ARMH3: variants seen among roughly 807,000 people sequenced by gnomAD.
ARMH3 encodes armadillo-like helical domain-containing protein 3.
ARMH3 carries 60 observed loss-of-function variants against 99.1 expected under a neutral mutation model. That is an observed-to-expected ratio of 0.61 (90% CI 0.49 to 0.75). The LOEUF (loss-of-function observed/expected upper bound fraction) is 0.75. Among genes scored for constraint, ARMH3 ranks in the 30% least tolerant of loss-of-function variants. The pLI is 0.00. For missense variants in ARMH3, 679 were observed against 843.1 expected, an observed-to-expected ratio of 0.81 and a Z score of 2.41; for synonymous variants, 285 against 292.8, an observed-to-expected ratio of 0.97 and a Z score of 0.27.
intron 24 of ARMH3, among the ~76,000 whole-genome samples, chr10:101,883,551 C>T (rs564816126): frequency 6.6e-6 from 1 of 152,258 alleles, no homozygotes; most frequent in South Asian, 2.1e-4. Context: ...AGCATTGCCT[C>T]ATCAAGACAG....
At chr10:101,946,201 T>C (rs1844525550) in intron 22 of ARMH3, among the ~76,000 whole-genome samples, 1 of 149,478 alleles carries the variant, frequency 6.7e-6, no homozygotes, top group Non-Finnish European at 1.5e-5. Context: ...AAAACAGATA[T>C]CTGAGATGGC....
chr10:101,945,881 G>A (rs549774787), intron 22 of ARMH3, among the ~76,000 whole-genome samples: 3 of 151,464 alleles, frequency 2.0e-5, no homozygotes, highest in South Asian at 2.1e-4. Context: ...TCAGGAATTC[G>A]AGACCAACCT....
At chr10:102,044,084 T>A (rs11191194) in intron 1 of ARMH3, among the ~76,000 whole-genome samples, 39,047 of 148,206 alleles carry the variant, frequency 0.26, 5,674 homozygotes, top group Non-Finnish European at 0.34. Context: ...ACCCAGCTAA[T>A]TTTTTTCTTT....
intron 8 of ARMH3, among the ~76,000 whole-genome samples, chr10:102,019,690 G>A (rs528884087): frequency 2.0e-5 from 3 of 152,256 alleles, no homozygotes; most frequent in Non-Finnish European, 4.4e-5. Context: ...CACTTTGGGA[G>A]GCCGAGGCGG....
intron 4 of ARMH3, among the ~76,000 whole-genome samples, chr10:102,031,900 G>A (rs190898918): frequency 2.7e-3 from 412 of 152,176 alleles, no homozygotes; most frequent in African/African-American, 9.2e-3. Context: ...CACCACGCCC[G>A]GCTAATTTTT....
rs1041104226 is a variant in ARMH3 at position 101,889,452 on chromosome 10, T to C, written c.1820A>G (p.Tyr607Cys). 2.5e-6 allele frequency: 4 copies of C among 1,614,050 alleles called. No individual in the cohort carries two copies. The highest frequency in any genetic ancestry group is 3.4e-6 in the Non-Finnish European group (4 of 1,179,900). The change falls in exon 24 of 26, where the codon TAC becomes TGC. Residue 607 changes from tyrosine to cysteine, a missense_variant. Tyr to Cys is a radical substitution (Grantham distance 194). Coordinates refer to ENST00000370033, the MANE Select transcript of ARMH3 (RefSeq NM_024541.3). ...INHFNPKIES[Y>C]AAVNHISQLS... Reference sequence around the variant, plus strand: ...TTGGGATATGTGATTCACAGCAGCGTAGGACTCAATTTTGGGGTTAAAGTG... The same window carrying C: ...TTGGGATATGTGATTCACAGCAGCGCAGGACTCAATTTTGGGGTTAAAGTG...
At chr10:101,906,911 C>T (rs981290581) in intron 23 of ARMH3, among the ~76,000 whole-genome samples, 1 of 152,182 alleles carries the variant, frequency 6.6e-6, no homozygotes, top group African/African-American at 2.4e-5. Context: ...CCAGTTAACA[C>T]CAGTTTCTCT....
Position 102,045,892 on chromosome 10 carries a change from C to T in ARMH3, c.-11-5767G>A, listed in dbSNP as rs1445615169. 3.3e-5 allele frequency among the ~76,000 whole-genome samples: 5 copies of T among 151,898 alleles called. 1 individual carries two copies. The highest frequency in any genetic ancestry group is 4.2e-4 in the South Asian group (2 of 4,814). On this transcript the variant is annotated intron_variant, in intron 1 of 25. Coordinates refer to ENST00000370033, the MANE Select transcript of ARMH3 (RefSeq NM_024541.3). Reference sequence around the variant, plus strand: ...GGTGGATCACTTGAGGTTGGGAGTTCGAGACCAGCCTAACCAACATGGAGA... The same window carrying T: ...GGTGGATCACTTGAGGTTGGGAGTTTGAGACCAGCCTAACCAACATGGAGA...
chr10:101,866,185 C>G (rs948557218), intron 24 of ARMH3, among the ~76,000 whole-genome samples: 25 of 151,224 alleles, frequency 1.7e-4, no homozygotes, highest in African/African-American at 6.1e-4. Context: ...TGCACCATTG[C>G]ACTCCAGCCT....
chr10:101,909,776 A>G (rs926752648), intron 23 of ARMH3, among the ~76,000 whole-genome samples: 38 of 151,956 alleles, frequency 2.5e-4, no homozygotes, highest in African/African-American at 8.7e-4. Flanking sequence ...TTTTCATGAC[A>G]CAATTATTAA....
chr10:102,023,834 AC>A, intron 6 of ARMH3, 85 bp from the exon 7 acceptor site: 1 of 1,262,882 alleles, frequency 7.9e-7, no homozygotes, highest in Non-Finnish European at 1.1e-6. Flanking sequence ...TCTAAGAGAA[AC>A]AAAAATATTA....
rs2066459090 is a variant in ARMH3, at chr10:101,845,960, TC to T, written c.*1567del. 1 of 152,182 alleles carries T rather than the reference TC, an allele frequency of 6.6e-6. No individual in the cohort carries two copies. Among genetic ancestry groups the T allele is most frequent in the Admixed American group, 6.5e-5 (1 of 15,274 alleles). 9.4% of individuals were successfully genotyped at this position (152,182 alleles called of 1,614,324 possible). A position where few individuals can be genotyped will look rare whatever the true frequency, so the allele number is the denominator to read the frequency against. Reference sequence around the variant, plus strand: ...CCTAGAATATACCAGTGCTGTTTGCTCCCGCCATCCTGAGGGCTTTAGAAAG... The same window carrying T: ...CCTAGAATATACCAGTGCTGTTTGCTCCGCCATCCTGAGGGCTTTAGAAAG... On this transcript the variant is annotated 3_prime_UTR_variant, in exon 26 of 26. Transcript: ENST00000370033.
intron 23 of ARMH3, among the ~76,000 whole-genome samples, chr10:101,901,191 C>T (rs2067967683): frequency 6.7e-6 from 1 of 148,240 alleles, no homozygotes; most frequent in African/African-American, 2.5e-5. Flanking sequence ...CCCAGTGGTC[C>T]AGTGTGGGCC....
intron 24 of ARMH3, among the ~76,000 whole-genome samples, chr10:101,861,421 GTACTACAAGAGA>G (rs1239460706): frequency 6.6e-6 from 1 of 152,162 alleles, no homozygotes; most frequent in Non-Finnish European, 1.5e-5. Context: ...CAAAAGTCCT[GTACTACAAGAGA>G]TATTAAAAGA....
intron 19 of ARMH3, among the ~76,000 whole-genome samples, chr10:101,985,503 C>A (rs1846459461): frequency 6.6e-6 from 1 of 151,508 alleles, no homozygotes; most frequent in Admixed American, 6.6e-5. Flanking sequence ...TCACTTGTGG[C>A]CAGGAGTTCA....
chr10:101,993,319 C>A (rs868078964), intron 17 of ARMH3, among the ~76,000 whole-genome samples: 1 of 151,572 alleles, frequency 6.6e-6, no homozygotes. Context: ...AGTATCATTG[C>A]CACGCTTGTG....
At chr10:101,892,496 T>C (rs1326355876) in intron 23 of ARMH3, among the ~76,000 whole-genome samples, 1 of 152,200 alleles carries the variant, frequency 6.6e-6, no homozygotes, top group Non-Finnish European at 1.5e-5. Context: ...TGTGTATGTG[T>C]GTTTGTGTGT....
chr10:102,007,079 T>C (rs2066509795), intron 13 of ARMH3, among the ~76,000 whole-genome samples: 1 of 141,382 alleles, frequency 7.1e-6, no homozygotes, highest in Non-Finnish European at 1.5e-5. Flanking sequence ...GAGAATCACT[T>C]GAACCCAGGA....
intron 19 of ARMH3, among the ~76,000 whole-genome samples, chr10:101,989,337 C>T (rs543157452): frequency 6.6e-6 from 1 of 151,946 alleles, no homozygotes; most frequent in Non-Finnish European, 1.5e-5. Flanking sequence ...GAGTTGAAGA[C>T]CAGCCTGGGC....
Sources: gnomAD v4.1 joint callset for allele counts (sites outside exome capture counted in the v4.1 genomes callset) on GRCh38, gnomAD v4.1.1 for gene constraint, MANE v1.5 for transcripts, NCBI Gene and HGNC (gene_info 2026-07-23, HGNC 2026-07-21) for gene names.